Variants in CCDC7 observed in about 807,000 individuals in gnomAD.
The protein encoded by CCDC7 is coiled-coil domain-containing protein 7.
Under a neutral mutation model 196.9 loss-of-function variants are expected in CCDC7, and 183 were observed. The observed-to-expected ratio is 0.93, with a 90% CI of 0.82 to 1.05. The LOEUF (loss-of-function observed/expected upper bound fraction) is 1.05. CCDC7 is among the 50% of genes least tolerant of loss of function. The pLI, the probability that CCDC7 is intolerant of heterozygous loss-of-function variation, is 0.00. For synonymous variants in CCDC7, 525 were observed against 484.6 expected (o/e 1.08, Z -1.10); for missense variants, 1,540 against 1,482.2 (o/e 1.04, Z -0.64).
chr10:32,470,344 A>G (rs1438584949), intron 5 of CCDC7, among the ~76,000 whole-genome samples: 2 of 152,112 alleles, frequency 1.3e-5, no homozygotes, highest in African/African-American at 2.4e-5. Context: ...TTTTCCTATC[A>G]AAACTTGCTG....
chr10:32,758,775 G>C (rs575005554), intron 28 of CCDC7, among the ~76,000 whole-genome samples: 1 of 152,028 alleles, frequency 6.6e-6, no homozygotes, highest in African/African-American at 2.4e-5. Flanking sequence ...GGAAATAAAG[G>C]GTATTCAATT....
intron 28 of CCDC7, among the ~76,000 whole-genome samples, chr10:32,743,862 A>G (rs2074225270): frequency 6.6e-6 from 1 of 151,928 alleles, no homozygotes; most frequent in Non-Finnish European, 1.5e-5. Flanking sequence ...GCTGGAAACC[A>G]TCATTCTCAG....
intron 18 of CCDC7, among the ~76,000 whole-genome samples, chr10:32,628,672 TC>T (rs1204593202): frequency 6.6e-6 from 1 of 152,098 alleles, no homozygotes; most frequent in Non-Finnish European, 1.5e-5. Context: ...TTTGCCATAT[TC>T]CATATCCCCT....
chr10:32,839,996 G>T (rs2092869178), intron 33 of CCDC7, among the ~76,000 whole-genome samples: 1 of 152,006 alleles, frequency 6.6e-6, no homozygotes, highest in African/African-American at 2.4e-5. Flanking sequence ...CTGGGATACA[G>T]CAAAAGCATT....
chr10:32,570,257 CT>C (rs1305034661), intron 15 of CCDC7, among the ~76,000 whole-genome samples: 1 of 152,132 alleles, frequency 6.6e-6, no homozygotes, highest in Non-Finnish European at 1.5e-5. Context: ...GTTATTTCTT[CT>C]TTTCCTTTGT....
chr10:32,452,025 G>T, intron 1 of CCDC7, 104 bp downstream of exon 2: 1 of 1,406,364 alleles, frequency 7.1e-7, no homozygotes, highest in Non-Finnish European at 9.3e-7. Context: ...TCATACCGAT[G>T]GCTAAGATTT....
chr10:32,609,033 T>C (rs557108979), intron 18 of CCDC7, among the ~76,000 whole-genome samples: 22 of 152,358 alleles, frequency 1.4e-4, no homozygotes, highest in Admixed American at 1.3e-3. Context: ...TAGCCTAAGA[T>C]ATGATCTATC....
intron 18 of CCDC7, among the ~76,000 whole-genome samples, chr10:32,620,599 A>G (rs971828073): frequency 6.6e-6 from 1 of 151,722 alleles, no homozygotes; most frequent in Non-Finnish European, 1.5e-5. Flanking sequence ...CTTCCTACAT[A>G]TTTTAGTGAA....
At chr10:32,661,977 T>G (rs1319361796) in intron 20 of CCDC7, among the ~76,000 whole-genome samples, 1 of 152,076 alleles carries the variant, frequency 6.6e-6, no homozygotes, top group African/African-American at 2.4e-5. Context: ...TATATTGCCT[T>G]TGAAGTTAAG....
intron 24 of CCDC7, among the ~76,000 whole-genome samples, chr10:32,701,144 G>C (rs1401525525): frequency 1.3e-5 from 2 of 152,162 alleles, no homozygotes; most frequent in African/African-American, 2.4e-5. Context: ...AGTTTTCAAA[G>C]GGAATGCGTC....
intron 32 of CCDC7, among the ~76,000 whole-genome samples, chr10:32,825,937 T>C (rs2091044567): frequency 6.6e-6 from 1 of 152,130 alleles, no homozygotes; most frequent in African/African-American, 2.4e-5. Flanking sequence ...ACTGAATTTG[T>C]AAACTCTGAT....
chr10:32,632,047 A>G (rs1564888382), intron 18 of CCDC7, among the ~76,000 whole-genome samples: 1 of 148,812 alleles, frequency 6.7e-6, no homozygotes, highest in Admixed American at 6.8e-5. Flanking sequence ...TTGTGTGTGT[A>G]TAGGTGTTTC....
chr10:32,760,395 C>G (rs1374903093), intron 28 of CCDC7, among the ~76,000 whole-genome samples: 1 of 151,844 alleles, frequency 6.6e-6, no homozygotes, highest in Non-Finnish European at 1.5e-5. Flanking sequence ...CACATATACA[C>G]CATGGAATAC....
chr10:32,620,489 A>G (rs2139115391), intron 18 of CCDC7, among the ~76,000 whole-genome samples: 1 of 151,116 alleles, frequency 6.6e-6, no homozygotes, highest in South Asian at 2.1e-4. Context: ...TCTGTTTTAT[A>G]GTTACCCTCA....
intron 16 of CCDC7, 141 bp from the exon 18 acceptor site, chr10:32,582,893 A>G (rs773343653): frequency 1.7e-5 from 8 of 479,296 alleles, no homozygotes; most frequent in Non-Finnish European, 2.6e-5. Context: ...CCTAGCATCA[A>G]TTTCATATTG....
chr10:32,544,171 A>T lies in CCDC7; in HGVS notation c.1080-76A>T, dbSNP rs2052014947. On this transcript the variant is annotated intron_variant, in intron 12 of 41. Coordinates refer to ENST00000639629, the Ensembl canonical transcript of CCDC7. ...CTTCATTATTTTAAAATCGTTTAAA[A>T]AGTCCTCCTCAAGAAAGCAAAGCAG... is the stretch of plus-strand genomic sequence containing the variant. 4.0e-6 allele frequency: 5 copies of T among 1,254,410 alleles called. No individual in the cohort carries two copies. The Admixed American group carries it at 1.2e-4, about 30-fold the overall frequency. The allele number at this position is 1,254,410 out of a possible 1,614,324, so 77.7% of individuals were successfully genotyped here.
At chr10:32,615,135 T>TAAAC (rs2062639332) in intron 18 of CCDC7, among the ~76,000 whole-genome samples, 1 of 152,174 alleles carries the variant, frequency 6.6e-6, no homozygotes, top group Admixed American at 6.6e-5. Flanking sequence ...AATTCTAGGG[T>TAAAC]AAACATACAA....
At chr10:32,494,622 A>C (rs2042633673) in intron 9 of CCDC7, among the ~76,000 whole-genome samples, 1 of 152,054 alleles carries the variant, frequency 6.6e-6, no homozygotes. Context: ...TTCCACTCCC[A>C]CTTATGAGCG....
intron 29 of CCDC7, among the ~76,000 whole-genome samples, chr10:32,791,170 C>T (rs2082639874): frequency 6.6e-6 from 1 of 151,942 alleles, no homozygotes; most frequent in African/African-American, 2.4e-5. Flanking sequence ...GATCACACCA[C>T]TGTGCTTACC....
Sources: allele counts gnomAD v4.1 joint callset (sites outside exome capture counted in the v4.1 genomes callset), GRCh38; gene constraint gnomAD v4.1.1; transcripts MANE v1.5; gene names NCBI Gene and HGNC (gene_info 2026-07-23, HGNC 2026-07-21).